Variants in RIMS2 observed in about 807,000 individuals in gnomAD.
RIMS2 encodes regulating synaptic membrane exocytosis protein 2.
RIMS2 carries 59 observed loss-of-function variants against 174.4 expected under a neutral mutation model. That is an observed-to-expected ratio of 0.34 (90% confidence interval 0.27 to 0.42). RIMS2 has a LOEUF of 0.42. Ranked by LOEUF, RIMS2 falls within the 10% of genes least tolerant of loss-of-function variation. RIMS2 has a pLI of 1.00. For missense variants in RIMS2, 1,620 were observed against 1,666.3 expected, an observed-to-expected ratio of 0.97 and a Z score of 0.48; for synonymous variants, 606 against 572.5, an observed-to-expected ratio of 1.06 and a Z score of -0.84.
chr8:103,790,545 A>G (rs1031472111), intron 3 of RIMS2, among the ~76,000 whole-genome samples: 10 of 152,140 alleles, frequency 6.6e-5, no homozygotes, highest in African/African-American at 2.4e-4. Context: ...GAATAATGCT[A>G]TTATAGACAT....
At chr8:103,822,814 A>G (rs1041967976) in intron 3 of RIMS2, among the ~76,000 whole-genome samples, 39 of 151,946 alleles carry the variant, frequency 2.6e-4, no homozygotes, top group Admixed American at 2.6e-3. Context: ...ACTCTCTCTC[A>G]AGTGAAATTA....
chr8:103,825,716 A>G (rs776131828), intron 3 of RIMS2, among the ~76,000 whole-genome samples: 10 of 152,134 alleles, frequency 6.6e-5, no homozygotes, highest in Non-Finnish European at 7.4e-5. Flanking sequence ...TTTTGTGGCC[A>G]TATATTTTTA....
chr8:104,068,246 A>C (rs1299421852), intron 19 of RIMS2, among the ~76,000 whole-genome samples: 1 of 152,182 alleles, frequency 6.6e-6, no homozygotes, highest in Admixed American at 6.5e-5. Flanking sequence ...ATTGTTTTCT[A>C]TCTAATGAAG....
At chr8:103,961,244 C>G (rs1412953359) in intron 15 of RIMS2, 111 bp downstream of exon 17, 1 of 645,420 alleles carries the variant, frequency 1.5e-6, no homozygotes, top group Non-Finnish European at 2.7e-6. Context: ...TTCTCACCCT[C>G]CAAAACAGCC....
chr8:103,583,802 G>GT (rs1463490684), intron 1 of RIMS2, among the ~76,000 whole-genome samples: 10 of 152,208 alleles, frequency 6.6e-5, no homozygotes, highest in African/African-American at 2.4e-4. Context: ...AAGGGCAAGT[G>GT]TAAGTGTTAT....
intron 19 of RIMS2, among the ~76,000 whole-genome samples, chr8:104,147,598 C>T (rs2098652386): frequency 1.3e-5 from 2 of 151,174 alleles, no homozygotes; most frequent in Admixed American, 1.3e-4. Context: ...GATTTTTATT[C>T]TTTTTTATTA....
intron 2 of RIMS2, among the ~76,000 whole-genome samples, chr8:103,763,630 G>A (rs1164341163): frequency 1.3e-5 from 2 of 152,126 alleles, no homozygotes; most frequent in African/African-American, 2.4e-5. Flanking sequence ...CAAGCAGTGT[G>A]CATAGCCCAG....
chr8:103,553,460 G>A (rs939423437), intron 1 of RIMS2, among the ~76,000 whole-genome samples: 1 of 152,014 alleles, frequency 6.6e-6, no homozygotes, highest in Non-Finnish European at 1.5e-5. Flanking sequence ...GTGGGGGAAG[G>A]AGGGGAGGGA....
At position 103,759,958 on chromosome 8, in the gene RIMS2, A is replaced by G. The variant is rs924995954; in HGVS notation, c.388-6269A>G. Among the ~76,000 whole-genome samples, 19 of 152,228 alleles carry G rather than the reference A, an allele frequency of 1.2e-4. 1 individual carries two copies. The highest frequency in any genetic ancestry group is 8.5e-4 in the Admixed American group (13 of 15,288). ...GGAGAACAGCCAAAAAAGGAGCAGA[A>G]ATATCAGAAATAGAGAACTTGTCCA... is the stretch of plus-strand genomic sequence containing the variant. On this transcript the variant is annotated intron_variant, in intron 2 of 23. Transcript: ENST00000504942.
intron 1 of RIMS2, among the ~76,000 whole-genome samples, chr8:103,529,214 A>T (rs1045475162): frequency 6.6e-6 from 1 of 150,614 alleles, no homozygotes; most frequent in Non-Finnish European, 1.5e-5. Context: ...GTGTATAAGA[A>T]TGCTTGTGAT....
intron 1 of RIMS2, among the ~76,000 whole-genome samples, chr8:103,533,661 CAAA>C (rs34355378): frequency 1.5e-5 from 1 of 66,072 alleles, no homozygotes. Context: ...GACCCTGTCT[CAAA>C]AAAAAAAAAA....
intron 19 of RIMS2, among the ~76,000 whole-genome samples, chr8:104,204,271 ATGTTACG>A (rs776793249): frequency 2.0e-4 from 31 of 152,340 alleles, no homozygotes; most frequent in Non-Finnish European, 1.8e-4. Flanking sequence ...TTGTAAGTGC[ATGTTACG>A]TGTTAATAAT....
intron 5 of RIMS2, 128 bp from the exon 9 acceptor site, chr8:103,911,925 A>G: frequency 3.2e-6 from 2 of 633,866 alleles, no homozygotes; most frequent in Non-Finnish European, 5.1e-6. Flanking sequence ...TGGTTTGTGT[A>G]ATCATAACAC....
chr8:103,614,729 A>G (rs1054312033), intron 1 of RIMS2, among the ~76,000 whole-genome samples: 3 of 152,206 alleles, frequency 2.0e-5, no homozygotes, highest in African/African-American at 7.2e-5. Flanking sequence ...ACAAAGGAGT[A>G]TATCTTAGTA....
At chr8:103,589,965 G>T (rs1048132026) in intron 1 of RIMS2, among the ~76,000 whole-genome samples, 1 of 151,266 alleles carries the variant, frequency 6.6e-6, no homozygotes, top group African/African-American at 2.4e-5. Flanking sequence ...GGGGAGGTGG[G>T]AATGGTTAAT....
At chr8:104,053,031 A>G (rs1003997068) in intron 19 of RIMS2, among the ~76,000 whole-genome samples, 2 of 152,208 alleles carry the variant, frequency 1.3e-5, no homozygotes, top group African/African-American at 4.8e-5. Flanking sequence ...ATGCTGAAGT[A>G]AGGTCCAATA....
intron 1 of RIMS2, among the ~76,000 whole-genome samples, chr8:103,601,856 TC>T (rs1310348487): frequency 1.3e-5 from 2 of 152,208 alleles, no homozygotes; most frequent in Admixed American, 1.3e-4. Context: ...GCAAAGACTT[TC>T]TTATAACCTA....
At chr8:103,819,161 G>T (rs1448754722) in intron 3 of RIMS2, 2 of 1,043,204 alleles carry the variant, frequency 1.9e-6, no homozygotes, top group Non-Finnish European at 2.3e-6. Context: ...TCTATTCATT[G>T]CATGTTTTTA....
At chr8:104,134,433 C>G (rs1373490801) in intron 19 of RIMS2, among the ~76,000 whole-genome samples, 1 of 152,200 alleles carries the variant, frequency 6.6e-6, no homozygotes, top group Non-Finnish European at 1.5e-5. Flanking sequence ...CCACTGCACT[C>G]CAGCCAGGGT....
Sources: gnomAD v4.1 joint callset for allele counts (sites outside exome capture counted in the v4.1 genomes callset) on GRCh38, gnomAD v4.1.1 for gene constraint, MANE v1.5 for transcripts, NCBI Gene and HGNC (gene_info 2026-07-23, HGNC 2026-07-21) for gene names.